ARHGAP29: variants seen among roughly 807,000 people sequenced by gnomAD.
ARHGAP29 encodes the protein rho GTPase-activating protein 29.
Under a neutral mutation model 122.6 loss-of-function variants are expected in ARHGAP29, and 43 were observed. That is an observed-to-expected ratio of 0.35 (90% CI 0.27 to 0.45). The LOEUF (loss-of-function observed/expected upper bound fraction) is 0.45. Ranked by LOEUF, ARHGAP29 falls within the 20% of genes least tolerant of loss-of-function variation. The pLI, the probability that ARHGAP29 is intolerant of heterozygous loss-of-function variation, is 1.00. For missense variants in ARHGAP29, 1,303 were observed against 1,477.2 expected (o/e 0.88, Z 1.93); for synonymous variants, 506 against 497.1 (o/e 1.02, Z -0.24).
chr1:94,311,579 A>G, the ARHGAP29 span, among the ~76,000 whole-genome samples: 1 of 152,158 alleles, frequency 6.6e-6, no homozygotes. Flanking sequence ...CTTAATCTTA[A>G]AGACCCAACA....
the ARHGAP29 span, among the ~76,000 whole-genome samples, chr1:94,313,642 T>A: frequency 6.6e-6 from 1 of 152,208 alleles, no homozygotes. Flanking sequence ...ACCCAAAGAA[T>A]TATAAATCAT....
intron 2 of ARHGAP29, among the ~76,000 whole-genome samples, chr1:94,222,367 C>T (rs1285557278): frequency 6.6e-6 from 1 of 152,158 alleles, no homozygotes; most frequent in Non-Finnish European, 1.5e-5. Context: ...ACTTGACAAA[C>T]ACTACTGAAG....
chr1:94,311,094 A>T, the ARHGAP29 span, among the ~76,000 whole-genome samples: 4 of 152,064 alleles, frequency 2.6e-5, no homozygotes, highest in Non-Finnish European at 5.9e-5. Flanking sequence ...ACAAGGAGCC[A>T]CTCATTTCCT....
the ARHGAP29 span, among the ~76,000 whole-genome samples, chr1:94,304,120 G>A: frequency 1.3e-5 from 2 of 152,136 alleles, no homozygotes; most frequent in South Asian, 2.1e-4. Context: ...CTGGAACACT[G>A]TTGAAACTCT....
intron 1 of ARHGAP29, among the ~76,000 whole-genome samples, chr1:94,272,194 G>A (rs1655017176): frequency 6.6e-6 from 1 of 152,206 alleles, no homozygotes; most frequent in African/African-American, 2.4e-5. Flanking sequence ...AAGGTTGAGG[G>A]TAAGAGAGAC....
chr1:94,185,532 C>A, intron 16 of ARHGAP29, 51 bp from the exon 17 acceptor site: 1 of 1,434,190 alleles, frequency 7.0e-7, no homozygotes, highest in African/African-American at 1.4e-5. Context: ...AAAAATTATA[C>A]CATGTGATAT....
intron 15 of ARHGAP29, among the ~76,000 whole-genome samples, chr1:94,187,454 A>G (rs1429434986): frequency 6.6e-6 from 1 of 152,198 alleles, no homozygotes; most frequent in East Asian, 1.9e-4. Context: ...ACTCCATTTT[A>G]TAACTATTCT....
the ARHGAP29 span, among the ~76,000 whole-genome samples, chr1:94,281,977 T>C: frequency 1.3e-5 from 2 of 152,218 alleles, no homozygotes; most frequent in South Asian, 4.1e-4. Flanking sequence ...GGGAACTGTA[T>C]AGGTTGAGCC....
the ARHGAP29 span, among the ~76,000 whole-genome samples, chr1:94,298,810 CA>C: frequency 6.6e-6 from 1 of 152,062 alleles, no homozygotes; most frequent in African/African-American, 2.4e-5. Context: ...CAACTCATGA[CA>C]ATAAATTTAT....
intron 1 of ARHGAP29, among the ~76,000 whole-genome samples, chr1:94,260,117 G>T (rs1654502175): frequency 6.6e-6 from 1 of 152,278 alleles, no homozygotes; most frequent in African/African-American, 2.4e-5. Flanking sequence ...ACCACCATTT[G>T]CCACGTCATC....
chr1:94,223,740 T>C (rs1436284993), intron 2 of ARHGAP29, among the ~76,000 whole-genome samples: 5 of 152,072 alleles, frequency 3.3e-5, no homozygotes, highest in Admixed American at 6.6e-5. Flanking sequence ...CTAGTAGATA[T>C]GAAATAAAGG....
At chr1:94,191,399 C>T (rs1325514058) in intron 12 of ARHGAP29, 1 of 152,134 alleles carries the variant, frequency 6.6e-6, no homozygotes, top group Non-Finnish European at 1.5e-5. Context: ...GATAATTAGC[C>T]TCTAAGTCCT....
intron 12 of ARHGAP29, among the ~76,000 whole-genome samples, chr1:94,199,238 T>TA (rs967125854): frequency 8.0e-5 from 12 of 149,778 alleles, no homozygotes; most frequent in South Asian, 2.1e-4. Flanking sequence ...CTTAAAGCAT[T>TA]AAAAAAAAAG....
Position 94,178,126 on chromosome 1 carries a change from T to C in ARHGAP29, c.2522A>G (p.Asn841Ser). The C allele has an allele frequency of 6.2e-7, 1 of 1,613,960 alleles. No individual in the cohort carries two copies. Among genetic ancestry groups the C allele is most frequent in the Non-Finnish European group, 8.5e-7 (1 of 1,179,932 alleles). Reference protein sequence around the residue: ...HAEENKMNSKNLGVIFGPSLI... With the variant: ...HAEENKMNSKSLGVIFGPSLI... Reference sequence around the variant, plus strand: ...ACTTGGTCCAAATATCACCCCCAAGTTTTTGGAGTTCATCTTGTTTTCTTC... The same window carrying C: ...ACTTGGTCCAAATATCACCCCCAAGCTTTTGGAGTTCATCTTGTTTTCTTC... Residue 841 changes from asparagine (N) to serine (S), a missense_variant, in exon 21 of 23, where the codon AAC becomes AGC. By Grantham distance (46) the Asn-to-Ser change is conservative (BLOSUM62 1). This residue lies in a region of ARHGAP29 where 620 missense variants were observed against 651.2 expected (regional missense o/e 0.95). Transcript: ENST00000260526.
intron 17 of ARHGAP29, 116 bp downstream of exon 17, chr1:94,185,226 T>C (rs1457210133): frequency 2.5e-5 from 32 of 1,263,938 alleles, no homozygotes; most frequent in Non-Finnish European, 3.3e-5. Flanking sequence ...GAAGGTGTAC[T>C]GTAGTACAAT....
intron 3 of ARHGAP29, 21 bp downstream of exon 3, chr1:94,220,237 C>A: frequency 1.9e-6 from 3 of 1,612,390 alleles, no homozygotes; most frequent in African/African-American, 2.7e-5. Flanking sequence ...CAGCAACCCA[C>A]TTTTACTATA....
chr1:94,233,263 T>G (rs1214469573), intron 1 of ARHGAP29, among the ~76,000 whole-genome samples: 1 of 152,110 alleles, frequency 6.6e-6, no homozygotes, highest in Non-Finnish European at 1.5e-5. Context: ...CACTAGGAAG[T>G]TTTATGTAAT....
Position 94,189,261 on chromosome 1 carries a change from TAG to T in ARHGAP29, c.1529_1530del (p.Ser510Ter). The T allele has an allele frequency of 6.2e-7, 1 of 1,613,138 alleles. No individual in the cohort carries two copies. The highest frequency in any genetic ancestry group is 8.5e-7 in the Non-Finnish European group (1 of 1,179,506). ...LEDVVRLPDSSNKIEEDRCSN... is the reference protein window; with the variant it reads ...LEDVVRLPDSXNKIEEDRCSN... Reference sequence around the variant, plus strand: ...GAGCATCTGTCCTCTTCAATTTTATTAGAACTGTCAGGAAGGCGTACAACATC... The same window carrying T: ...GAGCATCTGTCCTCTTCAATTTTATTAACTGTCAGGAAGGCGTACAACATC... On this transcript the variant is annotated frameshift_variant, in exon 14 of 23. Coordinates refer to ENST00000260526, the MANE Select transcript of ARHGAP29 (RefSeq NM_004815.4). LOFTEE classifies it high-confidence loss of function.
rs1648716083 is a variant in ARHGAP29 at position 94,171,197 on chromosome 1, A to C, written c.*2672T>G. Among the ~76,000 whole-genome samples the C allele has an allele frequency of 6.6e-6, 1 of 152,156 alleles. No individual in the cohort carries two copies. Among genetic ancestry groups the C allele is most frequent in the African/African-American group, 2.4e-5 (1 of 41,440 alleles). On this transcript the variant is annotated 3_prime_UTR_variant, in exon 23 of 23. Coordinates refer to ENST00000260526, the MANE Select transcript of ARHGAP29 (RefSeq NM_004815.4). ...CATAGTACCATCTTTAAATCACCCA[A>C]ATAACTGAGGTACAATTCTATCTGC...
Sources: allele counts gnomAD v4.1 joint callset (sites outside exome capture counted in the v4.1 genomes callset), GRCh38; gene constraint gnomAD v4.1.1; regional missense constraint gnomAD v4.1.1; transcripts MANE v1.5; gene names NCBI Gene and HGNC (gene_info 2026-07-23, HGNC 2026-07-21).